Variants in CCNJL observed in about 807,000 individuals in gnomAD.
CCNJL encodes the protein cyclin-J-like protein.
In CCNJL, 33 loss-of-function variants were observed where a neutral mutation model predicts 33.4. The ratio of observed to expected loss-of-function variants is 0.99; its 90% CI spans 0.75 to 1.32. The LOEUF (loss-of-function observed/expected upper bound fraction) is 1.32. CCNJL is among the 40% of genes most tolerant of loss of function. CCNJL has a pLI of 0.00. For synonymous variants in CCNJL, 227 were observed against 220.9 expected, an observed-to-expected ratio of 1.03 and a Z score of -0.24; for missense variants, 512 against 499.7, an observed-to-expected ratio of 1.02 and a Z score of -0.23.
chr5:160,267,399 T>C (rs7704073), intron 3 of CCNJL, among the ~76,000 whole-genome samples: 1,903 of 152,314 alleles, frequency 0.012, 42 homozygotes, highest in African/African-American at 0.043. Context: ...TAAAAGTCTG[T>C]CTGCTCCATG....
intron 2 of CCNJL, among the ~76,000 whole-genome samples, chr5:160,302,353 T>C (rs979491091): frequency 6.6e-6 from 1 of 152,190 alleles, no homozygotes; most frequent in Non-Finnish European, 1.5e-5. Context: ...AAAATGTATA[T>C]ACTTGAAAAG....
chr5:160,264,607 G>A (rs1761495534), intron 3 of CCNJL, among the ~76,000 whole-genome samples: 2 of 151,314 alleles, frequency 1.3e-5, no homozygotes, highest in Non-Finnish European at 2.9e-5. Context: ...ATTTTTCACT[G>A]TACAGTTCAG....
chr5:160,289,945 G>A (rs1467525541), intron 2 of CCNJL, among the ~76,000 whole-genome samples: 2 of 152,238 alleles, frequency 1.3e-5, no homozygotes, highest in Non-Finnish European at 2.9e-5. Flanking sequence ...GTGCAGGGCA[G>A]AGACTGCCCC....
At position 160,320,834 on chromosome 5, in the gene CCNJL, T is replaced by TTTCC. The variant is rs59890251; in HGVS notation, n.207-5330_207-5329insGGAA. Among the ~76,000 whole-genome samples the TTTCC allele has an allele frequency of 5.4e-3, 645 of 120,134 alleles. 6 individuals are homozygous for TTTCC. The highest frequency in any genetic ancestry group is 0.017 in the African/African-American group (492 of 28,664). 78.8% of individuals were successfully genotyped at this position (120,134 alleles called of 152,430 possible). A position where few individuals can be genotyped will look rare whatever the true frequency, so the allele number is the denominator to read the frequency against. ...CTTTCTTTCTTTCTTTCTTTCTTTC[T>TTTCC]TTCTTTCTTTCTTTCCTTCTTTCTT... is the stretch of plus-strand genomic sequence containing the variant. On this transcript the variant is annotated intron_variant and non_coding_transcript_variant, in intron 1 of 7. Coordinates refer to the CCNJL transcript ENST00000377503.
chr5:160,273,642 C>CT (rs56869675), intron 3 of CCNJL, among the ~76,000 whole-genome samples: 66,762 of 97,720 alleles, frequency 0.68, 24,279 homozygotes, highest in Non-Finnish European at 0.73. Flanking sequence ...AGTGCCGCCA[C>CT]TTTTTTTTTT....
chr5:160,278,091 G>A (rs1339283601), intron 3 of CCNJL, among the ~76,000 whole-genome samples: 1 of 152,146 alleles, frequency 6.6e-6, no homozygotes, highest in Non-Finnish European at 1.5e-5. Flanking sequence ...ATTTTTAGTA[G>A]AGATGGGGTT....
chr5:160,331,586 T>C (rs947470187), intron 1 of CCNJL, among the ~76,000 whole-genome samples: 6 of 152,188 alleles, frequency 3.9e-5, no homozygotes, highest in African/African-American at 1.4e-4. Context: ...CTTTTCCAGA[T>C]TCCATTCCAA....
rs1761062976 is a variant in CCNJL, at chr5:160,256,365, T to C, written c.584-657A>G. 3.3e-5 allele frequency among the ~76,000 whole-genome samples: 5 copies of C among 152,228 alleles called. No homozygotes were observed. In the South Asian group the frequency reaches 1.0e-3, roughly 32 times the overall value. ...TTTCAAAGGCTTCCGTTTTGGGGTA[T>C]GACTTAAAGCTACTTATTAATTGTA... On this transcript the variant is annotated intron_variant, in intron 4 of 5. Coordinates refer to ENST00000257536, the MANE Select transcript of CCNJL (RefSeq NM_001308173.3).
intron 1 of CCNJL, among the ~76,000 whole-genome samples, chr5:160,328,364 G>A (rs1000956686): frequency 6.6e-6 from 1 of 152,196 alleles, no homozygotes; most frequent in African/African-American, 2.4e-5. Context: ...CCGTTAAGGA[G>A]GCTACTGCAG....
At chr5:160,320,797 CTT>C (rs1429477977) in intron 1 of CCNJL, among the ~76,000 whole-genome samples, 1 of 46,604 alleles carries the variant, frequency 2.1e-5, no homozygotes, top group African/African-American at 6.6e-5. Context: ...TCCTTTCTTT[CTT>C]TCTTTCTTTC....
chr5:160,305,423 C>T (rs1763061411), intron 2 of CCNJL, among the ~76,000 whole-genome samples: 1 of 152,188 alleles, frequency 6.6e-6, no homozygotes, highest in African/African-American at 2.4e-5. Context: ...AGAGGCACCA[C>T]ACACAGGTGA....
At chr5:160,326,358 C>G (rs200389941) in intron 1 of CCNJL, among the ~76,000 whole-genome samples, 1 of 151,978 alleles carries the variant, frequency 6.6e-6, no homozygotes, top group East Asian at 1.9e-4. Context: ...ATCTGTAACC[C>G]TAGCTACTTG....
intron 2 of CCNJL, among the ~76,000 whole-genome samples, chr5:160,298,209 T>C (rs1157321795): frequency 6.6e-6 from 1 of 152,152 alleles, no homozygotes; most frequent in Non-Finnish European, 1.5e-5. Flanking sequence ...CAAGACTATG[T>C]TGAGGCCGGG....
chr5:160,270,975 A>T (rs1761813580), intron 3 of CCNJL, among the ~76,000 whole-genome samples: 1 of 152,156 alleles, frequency 6.6e-6, no homozygotes. Flanking sequence ...CAGAAACCTC[A>T]CTATGTCGGT....
chr5:160,268,198 C>T (rs538948350), intron 3 of CCNJL, among the ~76,000 whole-genome samples: 204 of 152,320 alleles, frequency 1.3e-3, no homozygotes, highest in Non-Finnish European at 1.8e-3. Flanking sequence ...AGATTTTGAG[C>T]AATTGATGGA....
intron 1 of CCNJL, among the ~76,000 whole-genome samples, chr5:160,321,012 CTCTTTCTT>C (rs59309263): frequency 0.031 from 2,221 of 71,386 alleles, 24 homozygotes; most frequent in East Asian, 0.047. Flanking sequence ...CTCTCTCTCT[CTCTTTCTT>C]TCTTTCTTTC....
Position 160,311,985 on chromosome 5 carries a change from G to C in CCNJL, c.-49-13C>G, listed in dbSNP as rs1763278937. ...CTCAGGGCGCACCCTGCGTGGACAC[G>C]GGCAACTTCAGCGGCCAGAGCGTAC... On this transcript the variant is annotated splice_polypyrimidine_tract_variant and intron_variant, in intron 1 of 5. Coordinates refer to ENST00000257536, the MANE Select transcript of CCNJL (RefSeq NM_001308173.3). The C allele has an allele frequency of 4.0e-6, 6 of 1,514,602 alleles. No homozygotes were observed. The highest frequency in any genetic ancestry group is 5.5e-6 in the Non-Finnish European group (6 of 1,091,142). The allele number at this position is 1,514,602 out of a possible 1,614,324, so 93.8% of individuals were successfully genotyped here.
intron 3 of CCNJL, among the ~76,000 whole-genome samples, chr5:160,278,725 C>T (rs976423620): frequency 4.9e-4 from 75 of 152,138 alleles, no homozygotes; most frequent in African/African-American, 1.7e-3. Flanking sequence ...TTCCATGGCC[C>T]CATGGAAATA....
At chr5:160,324,427 G>C (rs944402260) in intron 1 of CCNJL, among the ~76,000 whole-genome samples, 1 of 152,102 alleles carries the variant, frequency 6.6e-6, no homozygotes, top group Non-Finnish European at 1.5e-5. Context: ...ACAAAAATTA[G>C]CCAGGCGTGG....
Sources: gnomAD v4.1 joint callset for allele counts (sites outside exome capture counted in the v4.1 genomes callset) on GRCh38, gnomAD v4.1.1 for gene constraint, MANE v1.5 for transcripts, NCBI Gene and HGNC (gene_info 2026-07-23, HGNC 2026-07-21) for gene names.